The following ZC2HC1B variants were observed in gnomAD, a reference collection of about 807,000 sequenced individuals.
ZC2HC1B encodes the protein zinc finger C2HC domain-containing protein 1B.
Under a neutral mutation model 31.0 loss-of-function variants are expected in ZC2HC1B, and 36 were observed. That is an observed-to-expected ratio of 1.16 (90% confidence interval 0.89 to 1.54). ZC2HC1B has a LOEUF of 1.54. Among genes scored for constraint, ZC2HC1B ranks in the 40% most tolerant of loss-of-function variants. ZC2HC1B has a pLI of 0.00. For missense variants in ZC2HC1B, 260 were observed against 268.6 expected, an observed-to-expected ratio of 0.97 and a Z score of 0.22; for synonymous variants, 73 against 88.0, an observed-to-expected ratio of 0.83 and a Z score of 0.95.
chr6:143,886,870 C>A lies in ZC2HC1B; in HGVS notation c.349+49C>A. 7.0e-7 allele frequency: 1 copy of A among 1,436,192 alleles called. No homozygotes were observed. Among genetic ancestry groups the A allele is most frequent in the Non-Finnish European group, 9.2e-7 (1 of 1,090,334 alleles). 89.0% of individuals were successfully genotyped at this position (1,436,192 alleles called of 1,614,324 possible). On this transcript the variant is annotated intron_variant, in intron 4 of 7. Coordinates refer to ENST00000237275, the MANE Select transcript of ZC2HC1B (RefSeq NM_001013623.3). This position sits in a 1 kb window ranked among gnomAD's most constrained non-coding sequence, Gnocchi z 4.2. ...TTTGAGGCTATGCTTGACTTTTGAC[C>A]AAATCATCATGCCCTCTATGCACTC...
At chr6:143,931,854 T>A (rs1778124283) in intron 6 of ZC2HC1B, among the ~76,000 whole-genome samples, 1 of 81,346 alleles carries the variant, frequency 1.2e-5, no homozygotes, top group Admixed American at 1.2e-4. Context: ...TTGAACTTCT[T>A]CTTCTTCTTC....
At chr6:143,879,441 T>C (rs1777443563) in intron 1 of ZC2HC1B, among the ~76,000 whole-genome samples, 1 of 152,210 alleles carries the variant, frequency 6.6e-6, no homozygotes, top group Non-Finnish European at 1.5e-5. Flanking sequence ...CTTTTTCTTA[T>C]CTTATGACTT....
intron 1 of ZC2HC1B, among the ~76,000 whole-genome samples, chr6:143,867,514 T>C (rs963784538): frequency 2.6e-5 from 4 of 152,204 alleles, no homozygotes; most frequent in African/African-American, 9.6e-5. Context: ...GAAATATGCT[T>C]AGAGGATTGC....
Position 143,905,164 on chromosome 6 carries a change from A to G in ZC2HC1B, c.598+2012A>G, listed in dbSNP as rs1334555948. Among the ~76,000 whole-genome samples the G allele has an allele frequency of 6.6e-6, 1 of 152,204 alleles. No homozygotes were observed. Among genetic ancestry groups the G allele is most frequent in the Non-Finnish European group, 1.5e-5 (1 of 68,030 alleles). ...CTGCAGATTGCTTTGGTTAGTATGGACATCTTAACAATAGTAAGTTTTCAA... is the reference window on the plus strand; with the variant it reads ...CTGCAGATTGCTTTGGTTAGTATGGGCATCTTAACAATAGTAAGTTTTCAA... On this transcript the variant is annotated intron_variant, in intron 6 of 7. Coordinates refer to ENST00000237275, the MANE Select transcript of ZC2HC1B (RefSeq NM_001013623.3). This position sits in a 1 kb window ranked among gnomAD's most constrained non-coding sequence, Gnocchi z 4.2.
In ZC2HC1B at chr6:143,883,600, T is replaced by A. The variant is rs1777495373; in HGVS notation, c.29-704T>A. The stretch of plus-strand genomic sequence containing the variant: ...AAGTGCTTTTTAAATCTTTACATAT[T>A]TGACTCCTGATGAACCAAAAGGAAG... On this transcript the variant is annotated intron_variant, in intron 1 of 7. Transcript: ENST00000237275. This position sits in a 1 kb window ranked among gnomAD's most constrained non-coding sequence, Gnocchi z 4.1. Among the ~76,000 whole-genome samples the A allele has an allele frequency of 6.6e-6, 1 of 152,254 alleles. No individual in the cohort carries two copies. Among genetic ancestry groups the A allele is most frequent in the African/African-American group, 2.4e-5 (1 of 41,466 alleles).
intron 1 of ZC2HC1B, among the ~76,000 whole-genome samples, chr6:143,876,002 G>T (rs1158936443): frequency 6.6e-6 from 1 of 150,704 alleles, no homozygotes; most frequent in Non-Finnish European, 1.5e-5. Context: ...ATTCAAAGTT[G>T]CAGGGTCCCA....
At chr6:143,898,103 C>T (rs535075687) in intron 4 of ZC2HC1B, among the ~76,000 whole-genome samples, 29 of 152,242 alleles carry the variant, frequency 1.9e-4, no homozygotes, top group African/African-American at 5.8e-4. Context: ...CATGTCTTGC[C>T]CTTTGGAATA....
At chr6:143,931,463 T>A (rs1778118099) in intron 6 of ZC2HC1B, among the ~76,000 whole-genome samples, 1 of 152,162 alleles carries the variant, frequency 6.6e-6, no homozygotes, top group Non-Finnish European at 1.5e-5. Context: ...TCTATTTTGG[T>A]GTATTTGGAG....
intron 6 of ZC2HC1B, among the ~76,000 whole-genome samples, chr6:143,910,542 T>G (rs1405310198): frequency 6.6e-6 from 1 of 152,224 alleles, no homozygotes; most frequent in Non-Finnish European, 1.5e-5. Flanking sequence ...GTCTTGATGA[T>G]CTGTCTAATA....
At chr6:143,926,669 T>C (rs1048265278) in intron 6 of ZC2HC1B, among the ~76,000 whole-genome samples, 3 of 152,018 alleles carry the variant, frequency 2.0e-5, no homozygotes, top group Non-Finnish European at 4.4e-5. Flanking sequence ...CCTTTGATGA[T>C]TTTCTGTCTT....
rs1184893967 is a variant in ZC2HC1B at position 143,921,154 on chromosome 6, T to G, written c.599-16495T>G. On this transcript the variant is annotated intron_variant, in intron 6 of 7. Coordinates refer to ENST00000237275, the MANE Select transcript of ZC2HC1B (RefSeq NM_001013623.3). This position sits in a 1 kb window ranked among gnomAD's most constrained non-coding sequence, Gnocchi z 6.1. ...AAACAAAAACACTCTCCCAGTAATC[T>G]GCACTGCTCACTCATTCACTTCCTT... 6.6e-6 allele frequency among the ~76,000 whole-genome samples: 1 copy of G among 152,200 alleles called. No homozygotes were observed.
chr6:143,898,841 C>T, intron 5 of ZC2HC1B, 150 bp downstream of exon 5: 5 of 1,029,478 alleles, frequency 4.9e-6, no homozygotes, highest in Non-Finnish European at 6.8e-6. Flanking sequence ...TGGGAGCTGA[C>T]TTCTTTTGCA....
chr6:143,910,340 GA>G (rs1361390635), intron 6 of ZC2HC1B, among the ~76,000 whole-genome samples: 3 of 152,162 alleles, frequency 2.0e-5, no homozygotes, highest in Admixed American at 2.0e-4. Flanking sequence ...TGGTTGTTAT[GA>G]TTTCAGCTCT....
At chr6:143,877,126 T>C in intron 1 of ZC2HC1B, among the ~76,000 whole-genome samples, 1 of 150,094 alleles carries the variant, frequency 6.7e-6, no homozygotes, top group South Asian at 2.2e-4. Context: ...TGAAGTATTA[T>C]TTGGAGTAGA....
chr6:143,918,922 G>A lies in ZC2HC1B; in HGVS notation c.598+15770G>A, dbSNP rs566753249. Among the ~76,000 whole-genome samples the A allele has an allele frequency of 1.4e-3, 214 of 152,014 alleles. 1 individual carries two copies. The highest frequency in any genetic ancestry group is 3.4e-3 in the Middle Eastern group (1 of 294). On this transcript the variant is annotated intron_variant, in intron 6 of 7. Transcript: ENST00000237275. The surrounding 1 kb of genome is among the most constrained non-coding windows in gnomAD (Gnocchi z 4.1). ...TGGTTTCTTTTCAGGATTTATCTTC[G>A]TGGATATTTCCATTTTGTTCATAGA...
intron 1 of ZC2HC1B, among the ~76,000 whole-genome samples, chr6:143,867,915 C>T (rs969253994): frequency 2.0e-5 from 3 of 152,176 alleles, no homozygotes; most frequent in Admixed American, 6.5e-5. Context: ...TTGTGGATCA[C>T]GTCCTCCAGT....
chr6:143,915,593 T>G lies in ZC2HC1B; in HGVS notation c.598+12441T>G, dbSNP rs149992253. ...CTTCCTAGAGACTTGTTGAATGGCT[T>G]TGACCAAAATGTTGATAGTGATACG... is the stretch of plus-strand genomic sequence containing the variant. On this transcript the variant is annotated intron_variant, in intron 6 of 7. Coordinates refer to ENST00000237275, the MANE Select transcript of ZC2HC1B (RefSeq NM_001013623.3). This position sits in a 1 kb window ranked among gnomAD's most constrained non-coding sequence, Gnocchi z 5.2. Among the ~76,000 whole-genome samples, 525 of 152,298 alleles carry G rather than the reference T, an allele frequency of 3.4e-3. 7 individuals carry two copies. The highest frequency in any genetic ancestry group is 0.012 in the East Asian group (62 of 5,182).
chr6:143,887,966 A>T lies in ZC2HC1B; in HGVS notation c.349+1145A>T, dbSNP rs1582957558. On this transcript the variant is annotated intron_variant, in intron 4 of 7. Coordinates refer to ENST00000237275, the MANE Select transcript of ZC2HC1B (RefSeq NM_001013623.3). This position sits in a 1 kb window ranked among gnomAD's most constrained non-coding sequence, Gnocchi z 5.1. ...TTTTCTTTTGTTGCCTGTGCTTTTG[A>T]TGTCATATCCAGAAATTAATCACCA... Among the ~76,000 whole-genome samples the T allele has an allele frequency of 6.6e-6, 1 of 151,706 alleles. No individual in the cohort carries two copies.
rs1395285532 is a variant in ZC2HC1B at position 143,913,378 on chromosome 6, C to T, written c.598+10226C>T. Among the ~76,000 whole-genome samples, 2 of 152,216 alleles carry T rather than the reference C, an allele frequency of 1.3e-5. No homozygotes were observed. The highest frequency in any genetic ancestry group is 4.8e-5 in the African/African-American group (2 of 41,452). On this transcript the variant is annotated intron_variant, in intron 6 of 7. Coordinates refer to ENST00000237275, the MANE Select transcript of ZC2HC1B (RefSeq NM_001013623.3). This position sits in a 1 kb window ranked among gnomAD's most constrained non-coding sequence, Gnocchi z 5.7. ...TTGACCAAACAGCAGAGGTGTTGCC[C>T]ACCACTCTCCCCTTGAGGCTCCATC...
Sources: gnomAD v4.1 joint callset for allele counts (sites outside exome capture counted in the v4.1 genomes callset) on GRCh38, gnomAD v4.1.1 for gene constraint, Gnocchi (gnomAD v3.1) non-coding constraint, MANE v1.5 for transcripts, NCBI Gene and HGNC (gene_info 2026-07-23, HGNC 2026-07-21) for gene names.